ST7: variants seen among roughly 807,000 people sequenced by gnomAD.
ST7 encodes the protein suppressor of tumorigenicity 7 protein.
Under a neutral mutation model 78.7 loss-of-function variants are expected in ST7, and 28 were observed. The observed-to-expected ratio is 0.36, with a 90% confidence interval of 0.26 to 0.49. The LOEUF (loss-of-function observed/expected upper bound fraction) is 0.49. Among genes scored for constraint, ST7 ranks in the 20% least tolerant of loss-of-function variants. The pLI, the probability that ST7 is intolerant of heterozygous loss-of-function variation, is 0.99. For missense variants in ST7, 418 were observed against 696.0 expected (o/e 0.60, Z 4.49); for synonymous variants, 247 against 249.6 (o/e 0.99, Z 0.10).
At chr7:117,082,462 A>G (rs1379814864) in intron 1 of ST7, among the ~76,000 whole-genome samples, 2 of 152,248 alleles carry the variant, frequency 1.3e-5, no homozygotes, top group Admixed American at 6.5e-5. Flanking sequence ...AATATTGAAA[A>G]GAAGGTATGC....
chr7:117,128,610 T>C (rs1659120738), intron 3 of ST7, among the ~76,000 whole-genome samples: 2 of 151,944 alleles, frequency 1.3e-5, no homozygotes, highest in African/African-American at 4.8e-5. Flanking sequence ...ATTCCTGTTA[T>C]GTGTATATCC....
chr7:117,027,518 G>GTAAGTAAAGTAAAA (rs1381464797), intron 1 of ST7, among the ~76,000 whole-genome samples: 2 of 25,084 alleles, frequency 8.0e-5, no homozygotes, highest in Non-Finnish European at 2.4e-4. Context: ...AAAAAGTAAA[G>GTAAGTAAAGTAAAA]AGTAAAGTAA....
chr7:117,037,044 A>C (rs1796934313), intron 1 of ST7, among the ~76,000 whole-genome samples: 1 of 152,146 alleles, frequency 6.6e-6, no homozygotes, highest in East Asian at 1.9e-4. Flanking sequence ...GAATGCTGGC[A>C]ATACAAGTGG....
intron 1 of ST7, among the ~76,000 whole-genome samples, chr7:117,065,512 A>C (rs1798589377): frequency 6.6e-6 from 1 of 152,096 alleles, no homozygotes; most frequent in Admixed American, 6.5e-5. Flanking sequence ...CCCGGCCTGA[A>C]GTCTTTTATG....
chr7:117,225,133 A>G (rs1793356748), intron 15 of ST7, among the ~76,000 whole-genome samples: 1 of 152,152 alleles, frequency 6.6e-6, no homozygotes, highest in Non-Finnish European at 1.5e-5. Context: ...AGTGACTAGA[A>G]TACACCTGGG....
intron 10 of ST7, among the ~76,000 whole-genome samples, chr7:117,181,012 A>G (rs1029378256): frequency 7.9e-5 from 12 of 152,208 alleles, no homozygotes; most frequent in Admixed American, 7.2e-4. Flanking sequence ...TGGAATTTCA[A>G]TTAATATAAC....
At position 117,212,365 on chromosome 7, in the gene ST7, T is replaced by C. The variant is rs533767535; in HGVS notation, c.1405+2428T>C. ...GGGGAGCCAGGATGTAAACCCAAGG[T>C]CACTTTTCCTTCACTGTACTGAACA... On this transcript the variant is annotated intron_variant, in intron 13 of 15. Coordinates refer to ENST00000323984, the MANE Select transcript of ST7 (RefSeq NM_001369598.1). 8.5e-5 allele frequency among the ~76,000 whole-genome samples: 13 copies of C among 152,276 alleles called. No individual in the cohort carries two copies. In the South Asian group the frequency reaches 2.7e-3, roughly 32 times the overall value.
intron 1 of ST7, among the ~76,000 whole-genome samples, chr7:117,090,254 G>GACACAC (rs10537016): frequency 6.7e-6 from 1 of 148,850 alleles, no homozygotes; most frequent in East Asian, 2.0e-4. Context: ...CACACACACA[G>GACACAC]ACACACACAC....
chr7:117,218,009 A>G (rs532036985), intron 13 of ST7, among the ~76,000 whole-genome samples: 1 of 152,366 alleles, frequency 6.6e-6, no homozygotes, highest in Admixed American at 6.5e-5. Context: ...GAGGGAGAAC[A>G]TTCTTTGTTT....
intron 9 of ST7, among the ~76,000 whole-genome samples, chr7:117,156,010 C>G (rs1806660749): frequency 1.3e-5 from 2 of 152,198 alleles, no homozygotes; most frequent in African/African-American, 4.8e-5. Flanking sequence ...ACCTTGCAAT[C>G]CTACCTTCCC....
At chr7:117,184,967 A>G (rs1310687349) in intron 10 of ST7, among the ~76,000 whole-genome samples, 3 of 152,218 alleles carry the variant, frequency 2.0e-5, no homozygotes, top group Admixed American at 1.3e-4. Flanking sequence ...TAAAAATTAT[A>G]ATAGGCAAAA....
intron 10 of ST7, chr7:117,187,694 G>A (rs905783136): frequency 1.3e-5 from 2 of 152,256 alleles, no homozygotes; most frequent in Non-Finnish European, 2.9e-5. Flanking sequence ...TTAAAAAGAG[G>A]CTCCTTCTTG....
At chr7:117,124,750 T>G (rs1803687468) in intron 3 of ST7, among the ~76,000 whole-genome samples, 1 of 152,128 alleles carries the variant, frequency 6.6e-6, no homozygotes, top group African/African-American at 2.4e-5. Flanking sequence ...AACATGGGAA[T>G]AGCAGTAATG....
At chr7:117,121,172 G>A (rs1023275197) in intron 3 of ST7, among the ~76,000 whole-genome samples, 3 of 152,228 alleles carry the variant, frequency 2.0e-5, no homozygotes, top group Non-Finnish European at 4.4e-5. Context: ...AGTGGTAGCA[G>A]TTATCCACCA....
At chr7:117,193,150 T>TACACACACAC (rs137866535) in intron 12 of ST7, among the ~76,000 whole-genome samples, 1,772 of 144,954 alleles carry the variant, frequency 0.012, 20 homozygotes, top group Middle Eastern at 0.039. Flanking sequence ...CTTTAGCAGA[T>TACACACACAC]ACACACACAC....
chr7:117,191,291 G>A (rs1180744021), intron 12 of ST7, among the ~76,000 whole-genome samples: 1 of 151,982 alleles, frequency 6.6e-6, no homozygotes, highest in Non-Finnish European at 1.5e-5. Context: ...AATAAATGTT[G>A]TTGTGAATAA....
intron 12 of ST7, among the ~76,000 whole-genome samples, chr7:117,195,991 C>A (rs913232430): frequency 6.6e-6 from 1 of 152,176 alleles, no homozygotes; most frequent in African/African-American, 2.4e-5. Flanking sequence ...TTAGATACCT[C>A]ATATCAGTGG....
chr7:117,056,599 C>T (rs935050004), intron 1 of ST7, among the ~76,000 whole-genome samples: 1 of 151,930 alleles, frequency 6.6e-6, no homozygotes, highest in Non-Finnish European at 1.5e-5. Flanking sequence ...TGCACCATTG[C>T]ATCCAGCCTG....
At chr7:117,043,393 C>T (rs1401483986) in intron 1 of ST7, among the ~76,000 whole-genome samples, 1 of 152,114 alleles carries the variant, frequency 6.6e-6, no homozygotes, top group African/African-American at 2.4e-5. Context: ...TGAGACTATT[C>T]CTTTTCAGTT....
Sources: allele counts gnomAD v4.1 joint callset (sites outside exome capture counted in the v4.1 genomes callset), GRCh38; gene constraint gnomAD v4.1.1; transcripts MANE v1.5; gene names NCBI Gene and HGNC (gene_info 2026-07-23, HGNC 2026-07-21).